PDSS2: variants seen among roughly 807,000 people sequenced by gnomAD.
PDSS2 encodes the protein all trans-polyprenyl-diphosphate synthase PDSS2.
Under a neutral mutation model 44.5 loss-of-function variants are expected in PDSS2, and 31 were observed. The ratio of observed to expected loss-of-function variants is 0.70; its 90% CI spans 0.52 to 0.94. The LOEUF (loss-of-function observed/expected upper bound fraction) is 0.94. Ranked by LOEUF, PDSS2 falls within the 40% of genes least tolerant of loss-of-function variation. PDSS2 has a pLI of 0.00. For synonymous variants in PDSS2, 157 were observed against 180.3 expected, an observed-to-expected ratio of 0.87 and a Z score of 1.03; for missense variants, 452 against 482.2, an observed-to-expected ratio of 0.94 and a Z score of 0.59.
chr6:107,360,628 G>A (rs1035098667), intron 1 of PDSS2, among the ~76,000 whole-genome samples: 2 of 152,184 alleles, frequency 1.3e-5, no homozygotes, highest in Non-Finnish European at 2.9e-5. Context: ...TCACTAAGAG[G>A]ACAGTGTTGC....
intron 2 of PDSS2, among the ~76,000 whole-genome samples, chr6:107,280,759 A>G (rs532902796): frequency 6.6e-6 from 1 of 152,366 alleles, no homozygotes; most frequent in Admixed American, 6.5e-5. Context: ...TTTTGCATTT[A>G]AGTTGATGTT....
At chr6:107,343,821 T>C (rs1778154369) in intron 1 of PDSS2, among the ~76,000 whole-genome samples, 1 of 152,210 alleles carries the variant, frequency 6.6e-6, no homozygotes, top group African/African-American at 2.4e-5. Flanking sequence ...TTCTGTGTGC[T>C]TGAAATAGTG....
rs904406190 is a variant in PDSS2 at position 107,306,076 on chromosome 6, A to G, written c.431+28122T>C. Among the ~76,000 whole-genome samples the G allele has an allele frequency of 7.9e-5, 12 of 152,320 alleles. No individual in the cohort carries two copies. In the South Asian group the frequency reaches 1.2e-3, roughly 16 times the overall value. ...AAGAGGACAAGTACCCCAAGGCCAT[A>G]TGGGTGACAGAAGTACAATCCTTAT... On this transcript the variant is annotated intron_variant, in intron 2 of 7. Transcript: ENST00000369037.
At chr6:107,280,964 C>A (rs949476692) in intron 2 of PDSS2, among the ~76,000 whole-genome samples, 1 of 152,158 alleles carries the variant, frequency 6.6e-6, no homozygotes, top group African/African-American at 2.4e-5. Context: ...TCATGATCCC[C>A]TTCAGCTAGA....
At position 107,450,158 on chromosome 6, in the gene PDSS2, AGTT is replaced by A. The variant is rs1583102501; in HGVS notation, c.296+8829_296+8831del. Among the ~76,000 whole-genome samples the A allele has an allele frequency of 2.0e-5, 3 of 152,264 alleles. No individual in the cohort carries two copies. In the East Asian group the frequency reaches 5.8e-4, roughly 29 times the overall value. On this transcript the variant is annotated intron_variant, in intron 1 of 7. Transcript: ENST00000369037. Reference sequence around the variant, plus strand: ...GAATAATTCATCTGAGATTCACCCAAGTTGTTGTATCAGTGGTTCATTTCTTTT... The same window carrying A: ...GAATAATTCATCTGAGATTCACCCAAGTTGTATCAGTGGTTCATTTCTTTT...
At chr6:107,455,534 T>C (rs1782009485) in intron 1 of PDSS2, among the ~76,000 whole-genome samples, 1 of 151,744 alleles carries the variant, frequency 6.6e-6, no homozygotes, top group Admixed American at 6.6e-5. Context: ...GGTGGGCAGA[T>C]CATGAGGGCA....
At chr6:107,456,337 A>G (rs1782043677) in intron 1 of PDSS2, among the ~76,000 whole-genome samples, 1 of 152,168 alleles carries the variant, frequency 6.6e-6, no homozygotes, top group Admixed American at 6.6e-5. Flanking sequence ...AAATAAACAA[A>G]CAAAAGATGA....
chr6:107,300,636 C>A (rs945204402), intron 2 of PDSS2, among the ~76,000 whole-genome samples: 1 of 152,144 alleles, frequency 6.6e-6, no homozygotes, highest in Middle Eastern at 3.2e-3. Context: ...GGGGGAGGGA[C>A]AATGATCGGG....
chr6:107,402,587 T>C (rs1303017882), intron 1 of PDSS2, among the ~76,000 whole-genome samples: 2 of 145,812 alleles, frequency 1.4e-5, no homozygotes, highest in Admixed American at 6.9e-5. Context: ...ATATGAGGTT[T>C]AATGGATTCA....
intron 6 of PDSS2, among the ~76,000 whole-genome samples, chr6:107,208,394 T>G (rs1327119998): frequency 6.8e-6 from 1 of 147,694 alleles, no homozygotes; most frequent in East Asian, 2.1e-4. Flanking sequence ...CCTCCCAGGT[T>G]CAAGTGATTC....
chr6:107,436,359 A>G (rs941548861), intron 1 of PDSS2, among the ~76,000 whole-genome samples: 6 of 152,202 alleles, frequency 3.9e-5, no homozygotes, highest in Admixed American at 1.3e-4. Flanking sequence ...TTATCTAAAC[A>G]AAAGGAATTA....
intron 7 of PDSS2, among the ~76,000 whole-genome samples, chr6:107,190,975 T>G (rs1324409102): frequency 6.6e-6 from 1 of 151,958 alleles, no homozygotes; most frequent in African/African-American, 2.4e-5. Flanking sequence ...CACTGCAAGC[T>G]CCGCCTCCTG....
At chr6:107,402,488 G>GTATATACGTA (rs1780160077) in intron 1 of PDSS2, among the ~76,000 whole-genome samples, 3 of 7,586 alleles carry the variant, frequency 4.0e-4, no homozygotes, top group East Asian at 4.6e-3. Flanking sequence ...ACATATATAC[G>GTATATACGTA]TATATATGTA....
chr6:107,368,995 C>A (rs1320940301), intron 1 of PDSS2, among the ~76,000 whole-genome samples: 2 of 152,142 alleles, frequency 1.3e-5, no homozygotes, highest in Non-Finnish European at 2.9e-5. Context: ...ACAGGGTTTT[C>A]AGTACAGAAA....
chr6:107,237,398 C>A (rs909887100), intron 4 of PDSS2, among the ~76,000 whole-genome samples: 1 of 151,954 alleles, frequency 6.6e-6, no homozygotes, highest in Non-Finnish European at 1.5e-5. Flanking sequence ...CACCCACCCC[C>A]ACACCCAGCT....
At chr6:107,376,971 G>C (rs1779303809) in intron 1 of PDSS2, among the ~76,000 whole-genome samples, 1 of 151,638 alleles carries the variant, frequency 6.6e-6, no homozygotes, top group South Asian at 2.1e-4. Context: ...TCAGGACATA[G>C]GCATGGGCAA....
At chr6:107,172,196 C>T (rs1162937165) in intron 7 of PDSS2, among the ~76,000 whole-genome samples, 1 of 152,166 alleles carries the variant, frequency 6.6e-6, no homozygotes, top group African/African-American at 2.4e-5. Context: ...TTATTAAACA[C>T]CTTTTGAATG....
intron 2 of PDSS2, among the ~76,000 whole-genome samples, chr6:107,303,382 C>A (rs1192602036): frequency 6.6e-6 from 1 of 152,210 alleles, no homozygotes; most frequent in East Asian, 1.9e-4. Context: ...AGTGTCTCCT[C>A]TGGGTCCCCA....
chr6:107,419,177 A>G (rs1414585254), intron 1 of PDSS2, among the ~76,000 whole-genome samples: 1 of 152,190 alleles, frequency 6.6e-6, no homozygotes. Flanking sequence ...CTGCTCTAGT[A>G]TAGCAACTCA....
Sources: gnomAD v4.1 joint callset for allele counts (sites outside exome capture counted in the v4.1 genomes callset) on GRCh38, gnomAD v4.1.1 for gene constraint, MANE v1.5 for transcripts, NCBI Gene and HGNC (gene_info 2026-07-23, HGNC 2026-07-21) for gene names.